Variants in ARL15 observed in about 807,000 individuals in gnomAD.
ARL15 encodes ARF like GTPase 15, also known as ADP-ribosylation factor-like protein 15.
A neutral mutation model predicts 25.2 loss-of-function variants in ARL15; 19 were observed. The ratio of observed to expected loss-of-function variants is 0.75; its 90% CI spans 0.53 to 1.10. ARL15 has a LOEUF of 1.10. Among genes scored for constraint, ARL15 ranks in the 50% least tolerant of loss-of-function variants. The probability of loss-of-function intolerance (pLI) is 0.00; values close to 1 mark genes in which losing one functional copy is unlikely to be tolerated. For synonymous variants in ARL15, 94 were observed against 86.8 expected, an observed-to-expected ratio of 1.08 and a Z score of -0.46; for missense variants, 220 against 246.0, an observed-to-expected ratio of 0.89 and a Z score of 0.71.
chr5:54,289,210 G>A (rs1003713380), intron 1 of ARL15, among the ~76,000 whole-genome samples: 1 of 152,142 alleles, frequency 6.6e-6, no homozygotes, highest in Non-Finnish European at 1.5e-5. Flanking sequence ...TTTCATATTT[G>A]CATTGACCAC....
chr5:54,171,821 G>C lies in ARL15; in HGVS notation c.156C>G (p.Leu52=). ...GSGKTSLLSK[L]CSESPDNVVS... is the part of the protein sequence containing the mutation. The stretch of plus-strand genomic sequence containing the variant: ...CGACGTTATCGGGGCTTTCACTGCA[G>C]AGTTTGGACAACAGACTGGTTTTGC... The change falls in exon 2 of 5, where the codon CTC becomes CTG. Residue 52 remains leucine (L), a synonymous_variant. Transcript: ENST00000504924. 6.2e-7 allele frequency: 1 copy of C among 1,613,422 alleles called. No individual in the cohort carries two copies. Among genetic ancestry groups the C allele is most frequent in the African/African-American group, 1.3e-5 (1 of 75,034 alleles).
chr5:53,921,334 CCCT>C (rs1490271316), intron 4 of ARL15, among the ~76,000 whole-genome samples: 1 of 152,156 alleles, frequency 6.6e-6, no homozygotes, highest in Admixed American at 6.5e-5. Flanking sequence ...ATACTGTCCC[CCCT>C]ATAGCTATTG....
intron 4 of ARL15, among the ~76,000 whole-genome samples, chr5:54,071,532 C>A (rs1579765211): frequency 7.8e-6 from 1 of 127,962 alleles, no homozygotes; most frequent in Non-Finnish European, 1.7e-5. Context: ...CCCCGCAAAG[C>A]CAGACCCAAC....
intron 1 of ARL15, among the ~76,000 whole-genome samples, chr5:54,192,940 A>G (rs76079799): frequency 0.011 from 1,668 of 152,304 alleles, 33 homozygotes; most frequent in African/African-American, 0.038. Context: ...ACAGAAATCA[A>G]GAGTATGTAT....
At chr5:54,173,818 T>C (rs376022423) in intron 1 of ARL15, among the ~76,000 whole-genome samples, 4 of 152,132 alleles carry the variant, frequency 2.6e-5, no homozygotes, top group African/African-American at 9.6e-5. Context: ...CACTCCATGA[T>C]CTGCTCCAGC....
intron 3 of ARL15, among the ~76,000 whole-genome samples, chr5:54,134,201 G>T (rs1753525551): frequency 6.6e-6 from 1 of 152,188 alleles, no homozygotes; most frequent in African/African-American, 2.4e-5. Flanking sequence ...AAGAATAAAT[G>T]TTTCTAAATA....
At chr5:53,887,203 ATCT>A (rs1744555623) in intron 4 of ARL15, among the ~76,000 whole-genome samples, 1 of 152,162 alleles carries the variant, frequency 6.6e-6, no homozygotes, top group African/African-American at 2.4e-5. Flanking sequence ...AATTTAAATA[ATCT>A]TCTTCTCTTT....
chr5:54,078,963 C>A (rs184773029), intron 4 of ARL15, among the ~76,000 whole-genome samples: 1 of 151,914 alleles, frequency 6.6e-6, no homozygotes, highest in African/African-American at 2.4e-5. Context: ...ACTATCAATA[C>A]CTTATTTAAT....
chr5:53,954,704 A>G (rs1300470940), intron 4 of ARL15, among the ~76,000 whole-genome samples: 1 of 152,188 alleles, frequency 6.6e-6, no homozygotes, highest in African/African-American at 2.4e-5. Flanking sequence ...CTCATTTAAT[A>G]CTCAAAACGG....
intron 4 of ARL15, among the ~76,000 whole-genome samples, chr5:54,057,194 T>A (rs1161487168): frequency 1.3e-5 from 2 of 152,214 alleles, no homozygotes; most frequent in Non-Finnish European, 2.9e-5. Flanking sequence ...TATTTAGGAA[T>A]AAAAGATGTT....
chr5:54,284,775 T>C (rs1272127404), intron 1 of ARL15, among the ~76,000 whole-genome samples: 1 of 152,200 alleles, frequency 6.6e-6, no homozygotes, highest in African/African-American at 2.4e-5. Context: ...GCCTTATCCT[T>C]GAACATCCGA....
intron 1 of ARL15, among the ~76,000 whole-genome samples, chr5:54,241,957 A>C (rs1023101183): frequency 1.3e-5 from 2 of 152,224 alleles, no homozygotes; most frequent in Non-Finnish European, 2.9e-5. Context: ...AGAAGTATAA[A>C]GGAATAGCCT....
chr5:54,206,508 A>G (rs546590325), intron 1 of ARL15, among the ~76,000 whole-genome samples: 1 of 152,352 alleles, frequency 6.6e-6, no homozygotes, highest in East Asian at 1.9e-4. Context: ...TTATACTTCA[A>G]AAAGCTGAGA....
chr5:54,003,826 C>T (rs1748930829), intron 4 of ARL15, among the ~76,000 whole-genome samples: 1 of 152,064 alleles, frequency 6.6e-6, no homozygotes, highest in South Asian at 2.1e-4. Context: ...GGGCATATTT[C>T]ATTAGAAACA....
At chr5:54,098,170 T>C (rs1407304610) in intron 4 of ARL15, among the ~76,000 whole-genome samples, 1 of 152,164 alleles carries the variant, frequency 6.6e-6, no homozygotes, top group Non-Finnish European at 1.5e-5. Flanking sequence ...CTCCTCTGTT[T>C]CCTGCAATTC....
chr5:54,050,604 T>A (rs1184608900), intron 4 of ARL15, among the ~76,000 whole-genome samples: 1 of 152,188 alleles, frequency 6.6e-6, no homozygotes, highest in Non-Finnish European at 1.5e-5. Context: ...AGGGATATTA[T>A]GTGCGTGTGT....
chr5:54,184,615 CAA>C (rs5867920), intron 1 of ARL15, among the ~76,000 whole-genome samples: 76,269 of 121,404 alleles, frequency 0.63, 22,604 homozygotes, highest in East Asian at 0.96. Flanking sequence ...AGGCTTATAA[CAA>C]AAAAAAAAAA....
chr5:54,160,490 C>CA lies in ARL15; in HGVS notation c.194-5852dup, dbSNP rs796215163. Among the ~76,000 whole-genome samples, 637 of 147,176 alleles carry CA rather than the reference C, an allele frequency of 4.3e-3. 3 individuals are homozygous for CA. Among genetic ancestry groups the CA allele is most frequent in the African/African-American group, 7.6e-3 (305 of 40,294 alleles). On this transcript the variant is annotated intron_variant, in intron 2 of 4. Transcript: ENST00000504924. ...GCCTTTAGATTCCATTCCTCTGCTT[C>CA]AAAAAAAAAAGTGAACATTTATGTA...
chr5:54,177,133 A>G (rs1754900143), intron 1 of ARL15, among the ~76,000 whole-genome samples: 1 of 152,192 alleles, frequency 6.6e-6, no homozygotes, highest in South Asian at 2.1e-4. Context: ...TTCACACGGG[A>G]CAAGTTATGA....
Sources: gnomAD v4.1 joint callset for allele counts (sites outside exome capture counted in the v4.1 genomes callset) on GRCh38, gnomAD v4.1.1 for gene constraint, MANE v1.5 for transcripts, NCBI Gene and HGNC (gene_info 2026-07-23, HGNC 2026-07-21) for gene names.